The following CARMIL1 variants were observed in gnomAD, a reference collection of about 807,000 sequenced individuals.
CARMIL1 encodes capping protein regulator and myosin 1 linker 1, also known as F-actin-uncapping protein LRRC16A.
Under a neutral mutation model 177.1 loss-of-function variants are expected in CARMIL1, and 90 were observed. The observed-to-expected ratio is 0.51, with a 90% CI of 0.43 to 0.61. The LOEUF is 0.61. Ranked by LOEUF, CARMIL1 falls within the 20% of genes least tolerant of loss-of-function variation. The pLI, the probability that CARMIL1 is intolerant of heterozygous loss-of-function variation, is 0.00. For synonymous variants in CARMIL1, 577 were observed against 606.2 expected, an observed-to-expected ratio of 0.95 and a Z score of 0.71; for missense variants, 1,380 against 1,667.0, an observed-to-expected ratio of 0.83 and a Z score of 3.00.
At chr6:25,296,324 G>T (rs1343183214) in intron 2 of CARMIL1, among the ~76,000 whole-genome samples, 1 of 152,172 alleles carries the variant, frequency 6.6e-6, no homozygotes, top group Non-Finnish European at 1.5e-5. Context: ...GGAGCTCCTT[G>T]TGGAGCCCTG....
chr6:25,451,987 C>CA lies in CARMIL1; in HGVS notation c.614+1276_614+1277insA. 9.5e-5 allele frequency: 6 copies of CA among 62,870 alleles called. 1 individual carries two copies. Among genetic ancestry groups the CA allele is most frequent in the South Asian group, 5.8e-4 (4 of 6,854 alleles). The allele number at this position is 62,870 out of a possible 1,614,324, so 3.9% of individuals were successfully genotyped here. On this transcript the variant is annotated intron_variant, in intron 8 of 36. Coordinates refer to ENST00000329474, the MANE Select transcript of CARMIL1 (RefSeq NM_017640.6). Reference sequence around the variant, plus strand: ...ATGTCATCTCATCACTAGCATCTTGCCCCCCCCTCCCCCCCCCAGAATACT... The same window carrying CA: ...ATGTCATCTCATCACTAGCATCTTGCACCCCCCCTCCCCCCCCCAGAATACT...
intron 36 of CARMIL1, among the ~76,000 whole-genome samples, chr6:25,613,823 A>G (rs1816683991): frequency 1.3e-5 from 2 of 152,202 alleles, no homozygotes; most frequent in Non-Finnish European, 2.9e-5. Flanking sequence ...AAACCATATC[A>G]GGGGTTAATA....
chr6:25,590,488 T>C (rs1814187678), intron 31 of CARMIL1, among the ~76,000 whole-genome samples: 2 of 152,158 alleles, frequency 1.3e-5, no homozygotes, highest in African/African-American at 2.4e-5. Flanking sequence ...AGTTATACTA[T>C]CTCCATAAAA....
chr6:25,495,278 T>A, intron 16 of CARMIL1, 63 bp downstream of exon 16: 3 of 1,124,688 alleles, frequency 2.7e-6, no homozygotes, highest in Non-Finnish European at 3.9e-6. Flanking sequence ...CGAATGTGCT[T>A]GAGGGAAGGG....
intron 2 of CARMIL1, among the ~76,000 whole-genome samples, chr6:25,293,265 G>GGTGTGTGTGTGTGTGTGTGTGT (rs57127326): frequency 8.9e-5 from 12 of 134,300 alleles, no homozygotes; most frequent in South Asian, 2.6e-4. Flanking sequence ...AAGGATGCTT[G>GGTGTGTGTGTGTGTGTGTGTGT]GTGTGTGTGT....
At chr6:25,477,791 T>C (rs991139637) in intron 11 of CARMIL1, among the ~76,000 whole-genome samples, 2 of 152,086 alleles carry the variant, frequency 1.3e-5, no homozygotes, top group Non-Finnish European at 2.9e-5. Context: ...TCTGTCCCAA[T>C]TACCTTAGTT....
intron 2 of CARMIL1, among the ~76,000 whole-genome samples, chr6:25,306,846 G>A (rs1215770863): frequency 1.4e-5 from 2 of 144,988 alleles, no homozygotes; most frequent in Non-Finnish European, 3.0e-5. Flanking sequence ...TGGCAGTTCT[G>A]TGTTTAACCA....
chr6:25,453,414 A>T (rs188942239), intron 8 of CARMIL1, among the ~76,000 whole-genome samples: 1 of 152,338 alleles, frequency 6.6e-6, no homozygotes, highest in Admixed American at 6.5e-5. Context: ...CTGCTTAAAA[A>T]TGCAACTATC....
chr6:25,544,178 A>T (rs1809196508), intron 26 of CARMIL1, among the ~76,000 whole-genome samples: 1 of 152,246 alleles, frequency 6.6e-6, no homozygotes, highest in South Asian at 2.1e-4. Context: ...GAAAACAGAG[A>T]CTAGGGGAAG....
At chr6:25,478,878 A>G (rs1462394467) in intron 11 of CARMIL1, among the ~76,000 whole-genome samples, 1 of 151,840 alleles carries the variant, frequency 6.6e-6, no homozygotes, top group Non-Finnish European at 1.5e-5. Context: ...CAGTATGCCT[A>G]TATTCTTATA....
chr6:25,397,520 T>C (rs1457745618), intron 2 of CARMIL1, among the ~76,000 whole-genome samples: 1 of 152,204 alleles, frequency 6.6e-6, no homozygotes, highest in Non-Finnish European at 1.5e-5. Flanking sequence ...GCAATGAAAG[T>C]TGTGGCCGTA....
chr6:25,323,085 C>G (rs1373076887), intron 2 of CARMIL1, among the ~76,000 whole-genome samples: 2 of 152,122 alleles, frequency 1.3e-5, no homozygotes, highest in Non-Finnish European at 2.9e-5. Context: ...ATTCCAGATT[C>G]ATTTGGAAGG....
chr6:25,605,686 C>G (rs1431616220), intron 34 of CARMIL1, among the ~76,000 whole-genome samples: 1 of 152,182 alleles, frequency 6.6e-6, no homozygotes, highest in Non-Finnish European at 1.5e-5. Context: ...AAGGCACTTA[C>G]ATTCGGTTAT....
chr6:25,356,966 C>T (rs1788683639), intron 2 of CARMIL1, among the ~76,000 whole-genome samples: 1 of 151,530 alleles, frequency 6.6e-6, no homozygotes, highest in Non-Finnish European at 1.5e-5. Context: ...ACTTCCAGCT[C>T]TTACCTTGCA....
chr6:25,318,321 G>A (rs375346425), intron 2 of CARMIL1, among the ~76,000 whole-genome samples: 4 of 152,034 alleles, frequency 2.6e-5, no homozygotes, highest in Non-Finnish European at 4.4e-5. Flanking sequence ...GGGACAAAGC[G>A]GACTGATTTG....
At chr6:25,319,764 C>CTTTTTTTTTTTTT (rs10625095) in intron 2 of CARMIL1, among the ~76,000 whole-genome samples, 1 of 118,718 alleles carries the variant, frequency 8.4e-6, no homozygotes. Flanking sequence ...CATTTGGTCA[C>CTTTTTTTTTTTTT]TTTTTTTTTT....
intron 29 of CARMIL1, among the ~76,000 whole-genome samples, chr6:25,574,903 CTCTT>C: frequency 6.6e-6 from 1 of 152,254 alleles, no homozygotes; most frequent in South Asian, 2.1e-4. Flanking sequence ...TTAATACTCT[CTCTT>C]TGGGAATAGA....
intron 16 of CARMIL1, among the ~76,000 whole-genome samples, chr6:25,499,419 G>A (rs1473342644): frequency 1.3e-5 from 2 of 152,184 alleles, no homozygotes; most frequent in Non-Finnish European, 2.9e-5. Context: ...ATAATTTAGT[G>A]GTTGTGTGTG....
chr6:25,450,138 G>T (rs1341327471), intron 6 of CARMIL1, 143 bp downstream of exon 6: 1 of 766,218 alleles, frequency 1.3e-6, no homozygotes, highest in African/African-American at 1.8e-5. Context: ...TTAGATTGGT[G>T]GACAAAAGTC....
Sources: allele counts gnomAD v4.1 joint callset (sites outside exome capture counted in the v4.1 genomes callset), GRCh38; gene constraint gnomAD v4.1.1; transcripts MANE v1.5; gene names NCBI Gene and HGNC (gene_info 2026-07-23, HGNC 2026-07-21).